The following MGAT4C variants were observed in gnomAD, a reference collection of about 807,000 sequenced individuals.
The protein encoded by MGAT4C is alpha-1,3-mannosyl-glycoprotein 4-beta-N-acetylglucosaminyltransferase C.
MGAT4C carries 19 observed loss-of-function variants against 40.1 expected under a neutral mutation model. The ratio of observed to expected loss-of-function variants is 0.47; its 90% confidence interval spans 0.33 to 0.70. MGAT4C has a LOEUF of 0.70. MGAT4C is among the 30% of genes least tolerant of loss of function. MGAT4C has a pLI of 0.02. For missense variants in MGAT4C, 491 were observed against 563.2 expected (o/e 0.87, Z 1.30); for synonymous variants, 181 against 187.1 (o/e 0.97, Z 0.27).
At position 85,974,831 on chromosome 12, in the gene MGAT4C, A is replaced by T. The variant is rs960471842; in HGVS notation, c.*4458T>A. 2 of 150,820 alleles carry T rather than the reference A, an allele frequency of 1.3e-5. No individual in the cohort carries two copies. Among genetic ancestry groups the T allele is most frequent in the Non-Finnish European group, 1.5e-5 (1 of 66,998 alleles). 9.3% of individuals were successfully genotyped at this position (150,820 alleles called of 1,614,324 possible). ...TGAAACTCAAAGTAGACTAGCAGAT[A>T]AGATACCTATTTCAAACATCAGTGC... On this transcript the variant is annotated 3_prime_UTR_variant, in exon 5 of 5. Coordinates refer to ENST00000611864, the MANE Select transcript of MGAT4C (RefSeq NM_001351288.2).
intron 1 of MGAT4C, among the ~76,000 whole-genome samples, chr12:86,131,888 A>G (rs1435583140): frequency 1.3e-5 from 2 of 152,170 alleles, no homozygotes; most frequent in East Asian, 1.9e-4. Flanking sequence ...CCTCAAATAT[A>G]AACTATTGTG....
Position 86,689,990 on chromosome 12 carries a change from C to T in MGAT4C, c.-229+37219G>A, listed in dbSNP as rs372655559. On this transcript the variant is annotated intron_variant, in intron 2 of 7. Coordinates refer to the MGAT4C transcript ENST00000548651. ...ACAAGCCCCTGATTGAGGCTGCTGC[C>T]TTTCTTTCAGAGATGCCATGCCCAG... is the stretch of plus-strand genomic sequence containing the variant. Among the ~76,000 whole-genome samples, 468 of 152,316 alleles carry T rather than the reference C, an allele frequency of 3.1e-3. 2 individuals carry two copies. Among genetic ancestry groups the T allele is most frequent in the Middle Eastern group, 0.014 (4 of 294 alleles).
chr12:86,184,313 G>A (rs367602948), intron 1 of MGAT4C, among the ~76,000 whole-genome samples: 2 of 151,670 alleles, frequency 1.3e-5, no homozygotes, highest in South Asian at 2.1e-4. Context: ...GGAGGCAGAA[G>A]TTGCAGTGAG....
chr12:86,492,989 C>T (rs1167988230), intron 2 of MGAT4C, among the ~76,000 whole-genome samples: 2 of 151,466 alleles, frequency 1.3e-5, no homozygotes, highest in Non-Finnish European at 2.9e-5. Context: ...GGGTGAAGGA[C>T]ATGAACAGAC....
chr12:86,309,381 T>C (rs1339662301), intron 4 of MGAT4C, among the ~76,000 whole-genome samples: 22 of 152,208 alleles, frequency 1.4e-4, no homozygotes, highest in Non-Finnish European at 1.5e-5. Flanking sequence ...AATAAGTTTA[T>C]TTTTCATAGT....
chr12:86,557,934 G>A (rs1400305057), intron 2 of MGAT4C, among the ~76,000 whole-genome samples: 1 of 151,842 alleles, frequency 6.6e-6, no homozygotes. Context: ...AACTCAGTGA[G>A]TTACAAAAGA....
intron 2 of MGAT4C, among the ~76,000 whole-genome samples, chr12:86,538,068 C>A (rs1015269131): frequency 6.6e-6 from 1 of 152,020 alleles, no homozygotes; most frequent in South Asian, 2.1e-4. Flanking sequence ...GCCTGGGCAA[C>A]AGAGCAAGAC....
intron 1 of MGAT4C, among the ~76,000 whole-genome samples, chr12:86,056,443 C>T (rs1893400621): frequency 6.6e-6 from 1 of 152,124 alleles, no homozygotes; most frequent in Admixed American, 6.6e-5. Flanking sequence ...TCCAAGTGTT[C>T]TCATTGTTCA....
Position 86,040,821 on chromosome 12 carries a change from G to A in MGAT4C, c.-7+8853C>T, listed in dbSNP as rs367666765. 2.0e-4 allele frequency among the ~76,000 whole-genome samples: 30 copies of A among 152,336 alleles called. No homozygotes were observed. In the East Asian group the frequency reaches 5.0e-3, roughly 25 times the overall value. On this transcript the variant is annotated intron_variant, in intron 2 of 4. Transcript: ENST00000611864. ...GCTGTAATCCGAGGATCCTGGTGGT[G>A]TGGGCACTGGAGTGAATCTCCTGGT...
chr12:86,712,827 C>G (rs1171460578), intron 2 of MGAT4C, among the ~76,000 whole-genome samples: 1 of 152,066 alleles, frequency 6.6e-6, no homozygotes, highest in Admixed American at 6.6e-5. Context: ...TGGCTCCATT[C>G]TCTAACAGAG....
At chr12:86,588,032 TC>T (rs1961143136) in intron 2 of MGAT4C, among the ~76,000 whole-genome samples, 1 of 152,024 alleles carries the variant, frequency 6.6e-6, no homozygotes, top group Non-Finnish European at 1.5e-5. Flanking sequence ...GTGCCAGTTT[TC>T]AAAGGGAATC....
At chr12:86,192,175 T>C (rs1253140411) in intron 1 of MGAT4C, among the ~76,000 whole-genome samples, 2 of 151,526 alleles carry the variant, frequency 1.3e-5, no homozygotes, top group Non-Finnish European at 2.9e-5. Context: ...CACACCAACA[T>C]GGCACATGTA....
At chr12:86,766,760 G>T (rs1032869169) in intron 1 of MGAT4C, among the ~76,000 whole-genome samples, 2 of 152,080 alleles carry the variant, frequency 1.3e-5, no homozygotes, top group African/African-American at 4.8e-5. Flanking sequence ...ACCTGCTCCT[G>T]AATGACTACT....
At chr12:86,722,160 G>A (rs900240086) in intron 2 of MGAT4C, among the ~76,000 whole-genome samples, 2 of 152,126 alleles carry the variant, frequency 1.3e-5, no homozygotes, top group Admixed American at 6.6e-5. Flanking sequence ...TCAAGAACTA[G>A]AGAAATGAGG....
chr12:86,228,462 T>C (rs975084890), intron 1 of MGAT4C, among the ~76,000 whole-genome samples: 3 of 151,916 alleles, frequency 2.0e-5, no homozygotes, highest in African/African-American at 4.8e-5. Context: ...ATAAATATAT[T>C]TGGTTTGAAA....
intron 4 of MGAT4C, among the ~76,000 whole-genome samples, chr12:86,275,140 A>T (rs571911138): frequency 2.0e-5 from 3 of 152,350 alleles, no homozygotes; most frequent in South Asian, 4.1e-4. Context: ...CAGAACAAGT[A>T]TGAAATGTCA....
chr12:86,503,819 C>T (rs1176385629), intron 2 of MGAT4C, among the ~76,000 whole-genome samples: 12 of 33,556 alleles, frequency 3.6e-4, no homozygotes, highest in African/African-American at 4.4e-4. Context: ...TATATGAGTT[C>T]TGCTCAATTT....
chr12:86,393,122 AT>A (rs1358054294), intron 3 of MGAT4C, among the ~76,000 whole-genome samples: 1 of 152,122 alleles, frequency 6.6e-6, no homozygotes, highest in Non-Finnish European at 1.5e-5. Flanking sequence ...AAAAATACTT[AT>A]TTAACTTTGG....
At chr12:86,167,463 G>T (rs906534696) in intron 1 of MGAT4C, among the ~76,000 whole-genome samples, 3 of 152,150 alleles carry the variant, frequency 2.0e-5, no homozygotes, top group African/African-American at 7.2e-5. Flanking sequence ...ATCTTAGTCT[G>T]TTTTGTGCTG....
Sources: allele counts gnomAD v4.1 joint callset (sites outside exome capture counted in the v4.1 genomes callset), GRCh38; gene constraint gnomAD v4.1.1; transcripts MANE v1.5; gene names NCBI Gene and HGNC (gene_info 2026-07-23, HGNC 2026-07-21).